The following OR2M3 variants were observed in gnomAD, a reference collection of about 807,000 sequenced individuals.
OR2M3 encodes olfactory receptor 2M3.
In OR2M3, 1 loss-of-function variant was observed where a neutral mutation model predicts 4.3. That is an observed-to-expected ratio of 0.23 (90% CI 0.08 to 1.11). The LOEUF is 1.11. Among genes scored for constraint, OR2M3 ranks in the 50% most tolerant of loss-of-function variants. The pLI is 0.54. For missense variants in OR2M3, 410 were observed against 390.4 expected (o/e 1.05, Z -0.42); for synonymous variants, 151 against 139.4 (o/e 1.08, Z -0.59).
chr1:248,197,527 A>G (rs907974440), intron 1 of OR2M3, among the ~76,000 whole-genome samples: 2 of 152,190 alleles, frequency 1.3e-5, no homozygotes, highest in Non-Finnish European at 2.9e-5. Flanking sequence ...TCAGTGTGAA[A>G]GATTGGATAA....
At chr1:248,202,765 TAA>T (rs5782455) in intron 1 of OR2M3, among the ~76,000 whole-genome samples, 4,289 of 148,200 alleles carry the variant, frequency 0.029, 155 homozygotes, top group African/African-American at 0.087. Flanking sequence ...TTGGAGACTT[TAA>T]AAAAAAAAAA....
intron 1 of OR2M3, among the ~76,000 whole-genome samples, chr1:248,199,898 CTG>C (rs1666137164): frequency 6.6e-6 from 1 of 152,066 alleles, no homozygotes; most frequent in Non-Finnish European, 1.5e-5. Context: ...ACTAATGTAA[CTG>C]AGAAAATTCA....
At chr1:248,198,772 T>A (rs1275739967) in intron 1 of OR2M3, among the ~76,000 whole-genome samples, 1 of 152,186 alleles carries the variant, frequency 6.6e-6, no homozygotes, top group African/African-American at 2.4e-5. Flanking sequence ...GTGTTGGCAT[T>A]GCTCAGGCAT....
Position 248,203,913 on chromosome 1 carries a change from T to C in OR2M3, c.846T>C (p.Thr282=), listed in dbSNP as rs114401477. The change falls in exon 2 of 2, where the codon ACT becomes ACC. Residue 282 remains threonine, a synonymous_variant. Transcript: ENST00000641626. ...KMVSVFYTIL[T]PMLNPLIYSL... is the part of the protein sequence containing the mutation. ...TGTCTGTATTCTACACCATCCTCAC[T>C]CCCATGTTGAATCCCCTCATCTACA... 1.3e-3 allele frequency: 2,058 copies of C among 1,613,780 alleles called. 20 individuals are homozygous for C. In the African/African-American group the frequency reaches 0.024, roughly 18 times the overall value.
chr1:248,200,123 A>G (rs906906972), intron 1 of OR2M3, among the ~76,000 whole-genome samples: 2 of 152,124 alleles, frequency 1.3e-5, no homozygotes, highest in African/African-American at 4.8e-5. Context: ...TAACTTGACA[A>G]GACAGCTTCC....
Position 248,208,868 on chromosome 1 carries a change from A to G in OR2M3, c.*4862A>G, listed in dbSNP as rs1245285060. 6.6e-6 allele frequency: 1 copy of G among 152,190 alleles called. No homozygotes were observed. The highest frequency in any genetic ancestry group is 1.5e-5 in the Non-Finnish European group (1 of 68,028). 9.4% of individuals were successfully genotyped at this position (152,190 alleles called of 1,614,324 possible). ...TTGAGCTTCTTGAGTTTGGATGTTTAGATCCAGCAAGGCTGGTAGTAATTT... is the reference window on the plus strand; with the variant it reads ...TTGAGCTTCTTGAGTTTGGATGTTTGGATCCAGCAAGGCTGGTAGTAATTT... On this transcript the variant is annotated 3_prime_UTR_variant, in exon 2 of 2. Transcript: ENST00000641626.
At position 248,207,912 on chromosome 1, in the gene OR2M3, G is replaced by A. The variant is rs1558254161; in HGVS notation, c.*3906G>A. On this transcript the variant is annotated 3_prime_UTR_variant, in exon 2 of 2. Transcript: ENST00000641626. ...CTAGTGCTCTCAGTGGAGTATTGAAGTCCCCCACTATTATTGCATTGTCAT... is the reference window on the plus strand; with the variant it reads ...CTAGTGCTCTCAGTGGAGTATTGAAATCCCCCACTATTATTGCATTGTCAT... The A allele has an allele frequency of 6.6e-6, 1 of 151,938 alleles. No homozygotes were observed. The highest frequency in any genetic ancestry group is 6.6e-5 in the Admixed American group (1 of 15,220). 9.4% of individuals were successfully genotyped at this position (151,938 alleles called of 1,614,324 possible).
rs1020625237 is a variant in OR2M3 at position 248,206,483 on chromosome 1, C to A, written c.*2477C>A. The stretch of plus-strand genomic sequence containing the variant: ...CCTTAACGTCACCTCTATGTCCCTT[C>A]GTGTTGATTTTGCTTAGAATTTTAA... On this transcript the variant is annotated 3_prime_UTR_variant, in exon 2 of 2. Transcript: ENST00000641626. 1 of 151,614 alleles carries A rather than the reference C, an allele frequency of 6.6e-6. No individual in the cohort carries two copies. The highest frequency in any genetic ancestry group is 1.5e-5 in the Non-Finnish European group (1 of 67,704). The allele number at this position is 151,614 out of a possible 1,614,324, so 9.4% of individuals were successfully genotyped here. A position where few individuals can be genotyped will look rare whatever the true frequency, so the allele number is the denominator to read the frequency against.
Position 248,205,103 on chromosome 1 carries a change from C to G in OR2M3, c.*1097C>G, listed in dbSNP as rs1572793433. 2 of 151,934 alleles carry G rather than the reference C, an allele frequency of 1.3e-5. No homozygotes were observed. Among genetic ancestry groups the G allele is most frequent in the East Asian group, 3.8e-4 (2 of 5,196 alleles). 9.4% of individuals were successfully genotyped at this position (151,934 alleles called of 1,614,324 possible). The stretch of plus-strand genomic sequence containing the variant: ...TTATATATCTCCTTTTGAGAATTGT[C>G]TATTCATGTCCTAGGCCCACTTTTT... On this transcript the variant is annotated 3_prime_UTR_variant, in exon 2 of 2. Transcript: ENST00000641626.
At position 248,205,392 on chromosome 1, in the gene OR2M3, T is replaced by A. The variant is rs1377717554; in HGVS notation, c.*1386T>A. The stretch of plus-strand genomic sequence containing the variant: ...AAGCCAATGTCTACAAGGATTTCTC[T>A]GATGTTATCTTCTGGAATCTTTATG... On this transcript the variant is annotated 3_prime_UTR_variant, in exon 2 of 2. Transcript: ENST00000641626. 6.6e-6 allele frequency: 1 copy of A among 152,038 alleles called. No individual in the cohort carries two copies. Among genetic ancestry groups the A allele is most frequent in the East Asian group, 1.9e-4 (1 of 5,202 alleles). The allele number at this position is 152,038 out of a possible 1,614,324, so 9.4% of individuals were successfully genotyped here.
chr1:248,212,711 T>C lies in OR2M3; in HGVS notation c.*8705T>C, dbSNP rs1666294217. 6.6e-6 allele frequency: 1 copy of C among 152,050 alleles called. No individual in the cohort carries two copies. The highest frequency in any genetic ancestry group is 1.5e-5 in the Non-Finnish European group (1 of 67,970). The allele number at this position is 152,050 out of a possible 1,614,324, so 9.4% of individuals were successfully genotyped here. A position where few individuals can be genotyped will look rare whatever the true frequency, so the allele number is the denominator to read the frequency against. The stretch of plus-strand genomic sequence containing the variant: ...AATGAATAAAGACACTATTTAAATT[T>C]ATGCTGGCTATGAAAAACAGAAACC... On this transcript the variant is annotated 3_prime_UTR_variant, in exon 2 of 2. Transcript: ENST00000641626.
rs1326548961 is a variant in OR2M3 at position 248,197,279 on chromosome 1, C to T, written c.-41C>T. 2.0e-5 allele frequency: 3 copies of T among 152,010 alleles called. No homozygotes were observed. Among genetic ancestry groups the T allele is most frequent in the Admixed American group, 6.6e-5 (1 of 15,242 alleles). 9.4% of individuals were successfully genotyped at this position (152,010 alleles called of 1,614,324 possible). Reference sequence around the variant, plus strand: ...TTGCCTTTCCAGGAAACCACAATCTCACTGAAAATATACACTATTCAGGTA... The same window carrying T: ...TTGCCTTTCCAGGAAACCACAATCTTACTGAAAATATACACTATTCAGGTA... On this transcript the variant is annotated 5_prime_UTR_variant, in exon 1 of 2. Coordinates refer to ENST00000641626, the MANE Select transcript of OR2M3 (RefSeq NM_001004689.2).
rs186263524 is a variant in OR2M3, at chr1:248,210,436, G to A, written c.*6430G>A. On this transcript the variant is annotated 3_prime_UTR_variant, in exon 2 of 2. Transcript: ENST00000641626. Reference sequence around the variant, plus strand: ...AATGTGAGTTTCCATACGGTATTCTGTGTCAGGCCTCTGAGCCCAAGTTAA... The same window carrying A: ...AATGTGAGTTTCCATACGGTATTCTATGTCAGGCCTCTGAGCCCAAGTTAA... 94 of 169,916 alleles carry A rather than the reference G, an allele frequency of 5.5e-4. No homozygotes were observed. The highest frequency in any genetic ancestry group is 2.2e-3 in the African/African-American group (90 of 41,848). The allele number at this position is 169,916 out of a possible 1,614,324, so 10.5% of individuals were successfully genotyped here. A position where few individuals can be genotyped will look rare whatever the true frequency, so the allele number is the denominator to read the frequency against.
At chr1:248,200,776 A>C (rs1027834844) in intron 1 of OR2M3, among the ~76,000 whole-genome samples, 2 of 152,008 alleles carry the variant, frequency 1.3e-5, no homozygotes, top group Non-Finnish European at 2.9e-5. Flanking sequence ...TTTTTCTTAC[A>C]CACAATATTA....
rs566080213 is a variant in OR2M3 at position 248,200,891 on chromosome 1, T to C, written c.-18-2159T>C. On this transcript the variant is annotated intron_variant, in intron 1 of 1. Coordinates refer to ENST00000641626, the MANE Select transcript of OR2M3 (RefSeq NM_001004689.2). ...ATGAGGCCAAATTCCAGATTCCGTC[T>C]CCTCTGTAGATTTCTTCCAACTCCC... Among the ~76,000 whole-genome samples the C allele has an allele frequency of 7.9e-5, 12 of 152,286 alleles. No homozygotes were observed. The East Asian group carries it at 2.1e-3, about 27-fold the overall frequency.
At chr1:248,202,766 A>T (rs200260792) in intron 1 of OR2M3, among the ~76,000 whole-genome samples, 5 of 34,552 alleles carry the variant, frequency 1.4e-4, no homozygotes, top group African/African-American at 1.8e-4. Flanking sequence ...TGGAGACTTT[A>T]AAAAAAAAAA....
In OR2M3 at chr1:248,212,477, A is replaced by G. The variant is rs1666292090; in HGVS notation, c.*8471A>G. ...TAGATTCATTTATATCCACAGATCTATGGTTATACTGAAGTATAGATAATT... is the reference window on the plus strand; with the variant it reads ...TAGATTCATTTATATCCACAGATCTGTGGTTATACTGAAGTATAGATAATT... On this transcript the variant is annotated 3_prime_UTR_variant, in exon 2 of 2. Coordinates refer to ENST00000641626, the MANE Select transcript of OR2M3 (RefSeq NM_001004689.2). 1 of 152,070 alleles carries G rather than the reference A, an allele frequency of 6.6e-6. No individual in the cohort carries two copies. Among genetic ancestry groups the G allele is most frequent in the Non-Finnish European group, 1.5e-5 (1 of 67,944 alleles). 9.4% of individuals were successfully genotyped at this position (152,070 alleles called of 1,614,324 possible). A position where few individuals can be genotyped will look rare whatever the true frequency, so the allele number is the denominator to read the frequency against.
Position 248,205,612 on chromosome 1 carries a change from G to A in OR2M3, c.*1606G>A, listed in dbSNP as rs1666216297. The A allele has an allele frequency of 6.6e-6, 1 of 151,872 alleles. No homozygotes were observed. Among genetic ancestry groups the A allele is most frequent in the Non-Finnish European group, 1.5e-5 (1 of 67,938 alleles). The allele number at this position is 151,872 out of a possible 1,614,324, so 9.4% of individuals were successfully genotyped here. A position where few individuals can be genotyped will look rare whatever the true frequency, so the allele number is the denominator to read the frequency against. On this transcript the variant is annotated 3_prime_UTR_variant, in exon 2 of 2. Coordinates refer to ENST00000641626, the MANE Select transcript of OR2M3 (RefSeq NM_001004689.2). ...AAGATCAGATGGCTGTAAGTATTTT[G>A]GTTTATTTCTGGGTTCTCTATTCTG...
At chr1:248,202,500 A>G (rs1666169058) in intron 1 of OR2M3, among the ~76,000 whole-genome samples, 1 of 152,218 alleles carries the variant, frequency 6.6e-6, no homozygotes, top group Admixed American at 6.5e-5. Flanking sequence ...TTAGATTTGT[A>G]TAATTGAAAA....
Sources: allele counts gnomAD v4.1 joint callset (sites outside exome capture counted in the v4.1 genomes callset), GRCh38; gene constraint gnomAD v4.1.1; transcripts MANE v1.5; gene names NCBI Gene and HGNC (gene_info 2026-07-23, HGNC 2026-07-21).